Variants in PGGT1B observed in about 807,000 individuals in gnomAD.
PGGT1B encodes the protein protein geranylgeranyltransferase type I subunit beta.
A neutral mutation model predicts 46.1 loss-of-function variants in PGGT1B; 30 were observed. That is an observed-to-expected ratio of 0.65 (90% CI 0.49 to 0.88). The LOEUF (loss-of-function observed/expected upper bound fraction) is 0.88, where lower values mean the gene tolerates loss of function less well. PGGT1B is among the 40% of genes least tolerant of loss of function. PGGT1B has a pLI of 0.00. For missense variants in PGGT1B, 376 were observed against 455.9 expected (o/e 0.82, Z 1.60); for synonymous variants, 170 against 160.0 (o/e 1.06, Z -0.47).
At position 115,204,304 on chromosome 5, in the gene PGGT1B, G is replaced by A. The variant is rs1755999062; in HGVS notation, c.*8098C>T. 6.6e-6 allele frequency: 1 copy of A among 152,110 alleles called. No homozygotes were observed. The highest frequency in any genetic ancestry group is 2.4e-5 in the African/African-American group (1 of 41,396). The allele number at this position is 152,110 out of a possible 1,614,324, so 9.4% of individuals were successfully genotyped here. A position where few individuals can be genotyped will look rare whatever the true frequency, so the allele number is the denominator to read the frequency against. ...CCTACCCCCAGAGTTTCTAATTCAG[G>A]AGGTCTAAGGTACCGCCAGAGAATC... On this transcript the variant is annotated 3_prime_UTR_variant, in exon 9 of 9. Transcript: ENST00000419445.
chr5:115,252,534 G>A (rs1748147640), intron 2 of PGGT1B, among the ~76,000 whole-genome samples: 2 of 151,846 alleles, frequency 1.3e-5, no homozygotes, highest in South Asian at 4.1e-4. Context: ...ATCTATCTTA[G>A]ATATTTTATA....
At chr5:115,245,568 C>G (rs1747797021) in intron 2 of PGGT1B, among the ~76,000 whole-genome samples, 1 of 152,244 alleles carries the variant, frequency 6.6e-6, no homozygotes, top group African/African-American at 2.4e-5. Context: ...GGTTAAAGGA[C>G]ATGTTTAGAT....
intron 2 of PGGT1B, among the ~76,000 whole-genome samples, chr5:115,251,052 T>C (rs889284176): frequency 6.6e-6 from 1 of 152,164 alleles, no homozygotes; most frequent in African/African-American, 2.4e-5. Context: ...TAGGCTCTTA[T>C]AAAAAATACT....
chr5:115,204,751 A>T lies in PGGT1B; in HGVS notation c.*7651T>A, dbSNP rs1756016413. 6.6e-6 allele frequency: 1 copy of T among 152,194 alleles called. No homozygotes were observed. The highest frequency in any genetic ancestry group is 1.5e-5 in the Non-Finnish European group (1 of 68,022). The allele number at this position is 152,194 out of a possible 1,614,324, so 9.4% of individuals were successfully genotyped here. A position where few individuals can be genotyped will look rare whatever the true frequency, so the allele number is the denominator to read the frequency against. The stretch of plus-strand genomic sequence containing the variant: ...CCAGGAAATTCTTTCTAGGAACACC[A>T]TAAAAATAAATAAGTGAATAAATGA... On this transcript the variant is annotated 3_prime_UTR_variant, in exon 9 of 9. Transcript: ENST00000419445.
intron 2 of PGGT1B, among the ~76,000 whole-genome samples, chr5:115,246,460 T>G (rs1441030290): frequency 6.6e-6 from 1 of 152,204 alleles, no homozygotes; most frequent in African/African-American, 2.4e-5. Flanking sequence ...GGAATTCTAG[T>G]AAGCATACCT....
chr5:115,213,977 C>T (rs1267186487), intron 8 of PGGT1B, among the ~76,000 whole-genome samples: 1 of 152,124 alleles, frequency 6.6e-6, no homozygotes, highest in Non-Finnish European at 1.5e-5. Flanking sequence ...TCAGAAAATA[C>T]TTAGGTTTCT....
intron 6 of PGGT1B, among the ~76,000 whole-genome samples, chr5:115,228,827 A>C (rs765548529): frequency 6.6e-6 from 1 of 152,182 alleles, no homozygotes; most frequent in Non-Finnish European, 1.5e-5. Context: ...TGCTTCAATA[A>C]ATATAAGATG....
chr5:115,241,417 G>C, intron 3 of PGGT1B, 122 bp downstream of exon 3: 1 of 479,560 alleles, frequency 2.1e-6, no homozygotes, highest in South Asian at 5.4e-5. Context: ...TATATTATTA[G>C]ACAACATTTA....
intron 2 of PGGT1B, among the ~76,000 whole-genome samples, chr5:115,248,305 A>T (rs1747940543): frequency 6.6e-6 from 1 of 152,210 alleles, no homozygotes; most frequent in Non-Finnish European, 1.5e-5. Flanking sequence ...CATATAAGTA[A>T]AATATCCAAA....
At chr5:115,242,207 C>T (rs189637632) in intron 2 of PGGT1B, among the ~76,000 whole-genome samples, 360 of 152,298 alleles carry the variant, frequency 2.4e-3, no homozygotes, top group African/African-American at 8.3e-3. Flanking sequence ...TCTCTCTACT[C>T]AATCAAAATA....
chr5:115,217,658 A>G (rs1756462346), intron 7 of PGGT1B, among the ~76,000 whole-genome samples: 1 of 152,040 alleles, frequency 6.6e-6, no homozygotes, highest in Non-Finnish European at 1.5e-5. Flanking sequence ...GCAATTTAAT[A>G]TATGTTAATG....
At chr5:115,262,360 C>T (rs1239102038) in intron 1 of PGGT1B, 2 of 272,890 alleles carry the variant, frequency 7.3e-6, no homozygotes, top group Non-Finnish European at 1.4e-5. Context: ...CAGAAGTATT[C>T]ATCTAAAAAT....
intron 6 of PGGT1B, among the ~76,000 whole-genome samples, chr5:115,228,510 T>A (rs113138132): frequency 1.3e-5 from 2 of 152,186 alleles, no homozygotes; most frequent in African/African-American, 4.8e-5. Context: ...TTATAAATAC[T>A]GCATGTGTAT....
intron 2 of PGGT1B, among the ~76,000 whole-genome samples, chr5:115,248,514 G>T (rs558064904): frequency 2.6e-5 from 4 of 152,158 alleles, no homozygotes; most frequent in Non-Finnish European, 5.9e-5. Context: ...CTGACCCATT[G>T]TGTTTCCCGA....
chr5:115,214,554 A>T (rs950443623), intron 8 of PGGT1B, among the ~76,000 whole-genome samples: 4 of 152,248 alleles, frequency 2.6e-5, no homozygotes, highest in Admixed American at 6.5e-5. Flanking sequence ...TTCTGGGACC[A>T]GATCTTTACA....
chr5:115,204,271 T>C lies in PGGT1B; in HGVS notation c.*8131A>G, dbSNP rs1281297748. The C allele has an allele frequency of 6.6e-6, 1 of 152,154 alleles. No individual in the cohort carries two copies. Among genetic ancestry groups the C allele is most frequent in the Non-Finnish European group, 1.5e-5 (1 of 68,014 alleles). 9.4% of individuals were successfully genotyped at this position (152,154 alleles called of 1,614,324 possible). The stretch of plus-strand genomic sequence containing the variant: ...TTGGAGGGCTTGTTTAAAACACAAA[T>C]GTCTAACCCTACCCCCAGAGTTTCT... On this transcript the variant is annotated 3_prime_UTR_variant, in exon 9 of 9. Transcript: ENST00000419445.
chr5:115,244,927 A>C (rs1251319267), intron 2 of PGGT1B, among the ~76,000 whole-genome samples: 1 of 152,034 alleles, frequency 6.6e-6, no homozygotes, highest in African/African-American at 2.4e-5. Context: ...ATCCTTCTCT[A>C]GTTGGATGAG....
chr5:115,227,854 G>C (rs1182260440), intron 6 of PGGT1B, among the ~76,000 whole-genome samples: 1 of 152,200 alleles, frequency 6.6e-6, no homozygotes, highest in Admixed American at 6.6e-5. Context: ...TAAAGTATCA[G>C]ATGGTAGTGG....
chr5:115,262,450 A>C, intron 1 of PGGT1B: 1 of 485,524 alleles, frequency 2.1e-6, no homozygotes, highest in Non-Finnish European at 3.7e-6. Context: ...CGGGTAAAAA[A>C]GCAGCTCAGA....
Sources: gnomAD v4.1 joint callset for allele counts (sites outside exome capture counted in the v4.1 genomes callset) on GRCh38, gnomAD v4.1.1 for gene constraint, MANE v1.5 for transcripts, NCBI Gene and HGNC (gene_info 2026-07-23, HGNC 2026-07-21) for gene names.